Variants in WDPCP observed in about 807,000 individuals in gnomAD.
WDPCP encodes the protein WD repeat containing planar cell polarity effector, also known as WD repeat-containing and planar cell polarity effector protein fritz homolog.
In WDPCP, 71 loss-of-function variants were observed where a neutral mutation model predicts 93.1. The ratio of observed to expected loss-of-function variants is 0.76; its 90% CI spans 0.63 to 0.93. WDPCP has a LOEUF of 0.93. Among genes scored for constraint, WDPCP ranks in the 40% least tolerant of loss-of-function variants. The pLI, the probability that WDPCP is intolerant of heterozygous loss-of-function variation, is 0.00. For synonymous variants in WDPCP, 315 were observed against 315.0 expected (o/e 1.00, Z 0.00); for missense variants, 844 against 887.4 (o/e 0.95, Z 0.62).
chr2:63,534,263 C>T (rs1381532152), intron 1 of WDPCP, among the ~76,000 whole-genome samples: 1 of 152,166 alleles, frequency 6.6e-6, no homozygotes, highest in Non-Finnish European at 1.5e-5. Flanking sequence ...GGATTCACAG[C>T]CGAATTCTAC....
At chr2:63,784,649 T>C (rs1670442184) in intron 2 of WDPCP, among the ~76,000 whole-genome samples, 1 of 151,792 alleles carries the variant, frequency 6.6e-6, no homozygotes, top group African/African-American at 2.4e-5. Context: ...CTTGCTGTAA[T>C]AAAGAAAGAC....
chr2:63,724,355 C>G (rs1465648712), intron 2 of WDPCP, among the ~76,000 whole-genome samples: 1 of 151,714 alleles, frequency 6.6e-6, no homozygotes, highest in African/African-American at 2.4e-5. Context: ...GCAAAAAATG[C>G]AATCTTTGAA....
chr2:63,638,459 C>A (rs1709946163), intron 3 of WDPCP, among the ~76,000 whole-genome samples: 1 of 152,010 alleles, frequency 6.6e-6, no homozygotes, highest in South Asian at 2.1e-4. Context: ...TAAATATATA[C>A]AATTTTATCA....
chr2:63,648,491 G>T (rs933864355), intron 3 of WDPCP, among the ~76,000 whole-genome samples: 4 of 152,044 alleles, frequency 2.6e-5, no homozygotes, highest in African/African-American at 9.7e-5. Flanking sequence ...CACAATCAAG[G>T]TATTTACATC....
chr2:63,778,486 C>T (rs1222992501), intron 2 of WDPCP, among the ~76,000 whole-genome samples: 1 of 151,886 alleles, frequency 6.6e-6, no homozygotes, highest in Non-Finnish European at 1.5e-5. Context: ...GGATTACAGG[C>T]GTGAGCCACT....
chr2:63,244,786 C>T (rs188110347), intron 14 of WDPCP, among the ~76,000 whole-genome samples: 2 of 152,248 alleles, frequency 1.3e-5, no homozygotes, highest in African/African-American at 4.8e-5. Flanking sequence ...TAGTATGTAT[C>T]CCATGATTGC....
intron 1 of WDPCP, among the ~76,000 whole-genome samples, chr2:63,584,808 G>A (rs1376417145): frequency 6.6e-6 from 1 of 151,988 alleles, no homozygotes; most frequent in African/African-American, 2.4e-5. Context: ...ACACAGCTAG[G>A]TAGTAAAGTT....
chr2:63,481,480 T>A (rs563900089), intron 6 of WDPCP, among the ~76,000 whole-genome samples: 1 of 152,126 alleles, frequency 6.6e-6, no homozygotes, highest in Non-Finnish European at 1.5e-5. Flanking sequence ...TGCAAAAATA[T>A]GGAACCAGCC....
intron 13 of WDPCP, among the ~76,000 whole-genome samples, chr2:63,311,470 G>A (rs991592768): frequency 2.0e-5 from 3 of 152,154 alleles, no homozygotes; most frequent in Non-Finnish European, 4.4e-5. Flanking sequence ...AATATTTTGA[G>A]CTTCTTTAAA....
chr2:63,185,692 C>T (rs1191689361), intron 14 of WDPCP, among the ~76,000 whole-genome samples: 1 of 152,162 alleles, frequency 6.6e-6, no homozygotes, highest in Admixed American at 6.5e-5. Flanking sequence ...GCAGGTTGAC[C>T]TCCAGGCCAG....
At position 63,636,396 on chromosome 2, in the gene WDPCP, G is replaced by C. The variant is rs572280136; in HGVS notation, n.488+14263C>G. On this transcript the variant is annotated intron_variant and non_coding_transcript_variant, in intron 3 of 4. Coordinates refer to the WDPCP transcript ENST00000467687. The stretch of plus-strand genomic sequence containing the variant: ...CCACAAAGGACCCAAAACACCCAAA[G>C]CAATCTTGAGAAAAAACAAAGCTGG... 8.5e-4 allele frequency among the ~76,000 whole-genome samples: 129 copies of C among 152,188 alleles called. No homozygotes were observed. In the Middle Eastern group the frequency reaches 0.01, roughly 12 times the overall value.
intron 17 of WDPCP, among the ~76,000 whole-genome samples, chr2:63,134,539 A>T (rs1574685595): frequency 6.6e-6 from 1 of 152,176 alleles, no homozygotes; most frequent in Non-Finnish European, 1.5e-5. Context: ...GTGTTTTCAA[A>T]GGTTTTAGAT....
intron 2 of WDPCP, among the ~76,000 whole-genome samples, chr2:63,693,318 G>T (rs182218005): frequency 4.5e-4 from 68 of 152,262 alleles, no homozygotes; most frequent in African/African-American, 1.5e-3. Flanking sequence ...CAAGAAAACA[G>T]TGCAGAAGAT....
At chr2:63,377,804 T>C (rs1455886297) in intron 12 of WDPCP, 1 of 152,460 alleles carries the variant, frequency 6.6e-6, no homozygotes, top group Non-Finnish European at 1.5e-5. Flanking sequence ...TATATATATA[T>C]ATATATACAT....
chr2:63,703,056 A>C (rs533433655), intron 2 of WDPCP, among the ~76,000 whole-genome samples: 1,891 of 152,144 alleles, frequency 0.012, 16 homozygotes, highest in Non-Finnish European at 0.015. Flanking sequence ...TGAACTCATC[A>C]TTTTTTATGG....
At chr2:63,168,791 T>A (rs1234503787) in intron 15 of WDPCP, 1 of 152,194 alleles carries the variant, frequency 6.6e-6, no homozygotes, top group African/African-American at 2.4e-5. Flanking sequence ...GTAGTGGGAT[T>A]GTGCCTGGTG....
At chr2:63,839,395 T>C in the WDPCP span, among the ~76,000 whole-genome samples, 27 of 152,272 alleles carry the variant, frequency 1.8e-4, no homozygotes, top group East Asian at 2.7e-3. Flanking sequence ...CCGCCTCTAC[T>C]AAAAATACAA....
At chr2:63,496,867 T>G (rs1701249669) in intron 1 of WDPCP, among the ~76,000 whole-genome samples, 1 of 151,970 alleles carries the variant, frequency 6.6e-6, no homozygotes, top group Non-Finnish European at 1.5e-5. Context: ...ATCCCAGCAC[T>G]TTGGGAGGCT....
intron 2 of WDPCP, among the ~76,000 whole-genome samples, chr2:63,805,265 T>A (rs926108943): frequency 2.6e-5 from 4 of 152,210 alleles, no homozygotes; most frequent in African/African-American, 9.7e-5. Flanking sequence ...ACCCACCCAC[T>A]TAATCTCATT....
Sources: gnomAD v4.1 joint callset for allele counts (sites outside exome capture counted in the v4.1 genomes callset) on GRCh38, gnomAD v4.1.1 for gene constraint, MANE v1.5 for transcripts, NCBI Gene and HGNC (gene_info 2026-07-23, HGNC 2026-07-21) for gene names.